Variants in WHRN observed in about 807,000 individuals in gnomAD.
WHRN encodes whirlin, also known as CASK-interacting protein CIP98.
In WHRN, 41 loss-of-function variants were observed where a neutral mutation model predicts 68.3. That is an observed-to-expected ratio of 0.60 (90% CI 0.47 to 0.78). WHRN has a LOEUF of 0.78. Ranked by LOEUF, WHRN falls within the 30% of genes least tolerant of loss-of-function variation. The probability of loss-of-function intolerance (pLI) is 0.00; values close to 1 mark genes in which losing one functional copy is unlikely to be tolerated. For synonymous variants in WHRN, 560 were observed against 561.3 expected (o/e 1.00, Z 0.03); for missense variants, 1,243 against 1,244.7 (o/e 1.00, Z 0.02).
chr9:114,428,292 C>T (rs1837074403), intron 3 of WHRN, among the ~76,000 whole-genome samples: 1 of 152,220 alleles, frequency 6.6e-6, no homozygotes, highest in African/African-American at 2.4e-5. Context: ...TGCCACTGCA[C>T]TCCAGCCTGG....
chr9:114,407,552 CCAA>C (rs1475340723), intron 8 of WHRN, among the ~76,000 whole-genome samples: 3 of 152,214 alleles, frequency 2.0e-5, no homozygotes, highest in African/African-American at 7.2e-5. Context: ...CTGCACAGCT[CCAA>C]CAACCTTCCA....
intron 2 of WHRN, among the ~76,000 whole-genome samples, chr9:114,477,054 G>A (rs796091229): frequency 5.3e-5 from 8 of 152,146 alleles, no homozygotes; most frequent in Admixed American, 1.3e-4. Flanking sequence ...GAGAGGGTAC[G>A]AGCCCACCCA....
intron 7 of WHRN, among the ~76,000 whole-genome samples, chr9:114,421,492 G>A (rs1836280839): frequency 6.6e-6 from 1 of 152,214 alleles, no homozygotes; most frequent in South Asian, 2.1e-4. Context: ...AAAGGCTGGG[G>A]CTCAAACCTA....
At chr9:114,453,867 G>A (rs1839548788) in intron 3 of WHRN, among the ~76,000 whole-genome samples, 1 of 152,066 alleles carries the variant, frequency 6.6e-6, no homozygotes, top group Admixed American at 6.6e-5. Flanking sequence ...TATAAGAAAA[G>A]AAAACCCAGA....
Position 114,407,986 on chromosome 9 carries a change from A to C in WHRN, c.1659T>G (p.Ala553=), listed in dbSNP as rs776775092. The change falls in exon 8 of 12, where the codon GCT becomes GCG. Residue 553 remains alanine (A), a synonymous_variant. Coordinates refer to ENST00000362057, the MANE Select transcript of WHRN (RefSeq NM_015404.4). ...NTLDLEETGE[A]VQGNINALPD... ...GGAGGGCGTTGATATTGCCCTGGAC[A>C]GCCTCGCCAGTTTCCTCCAGGTCCA... The C allele has an allele frequency of 3.1e-6, 5 of 1,604,770 alleles. No homozygotes were observed. Among genetic ancestry groups the C allele is most frequent in the Non-Finnish European group, 4.3e-6 (5 of 1,175,078 alleles).
At chr9:114,464,881 C>T (rs547016573) in intron 3 of WHRN, among the ~76,000 whole-genome samples, 1 of 151,044 alleles carries the variant, frequency 6.6e-6, no homozygotes, top group East Asian at 2.0e-4. Context: ...TCTGTCTGTC[C>T]CTTTGGGCTG....
At chr9:114,496,538 C>A (rs1011221521) in intron 1 of WHRN, among the ~76,000 whole-genome samples, 1 of 152,112 alleles carries the variant, frequency 6.6e-6, no homozygotes, top group Non-Finnish European at 1.5e-5. Context: ...AACCAACCAA[C>A]CAAACAAACA....
chr9:114,478,368 CAT>C (rs1841823684), intron 2 of WHRN, 183 bp downstream of exon 2: 5 of 731,370 alleles, frequency 6.8e-6, no homozygotes, highest in Non-Finnish European at 1.3e-5. Flanking sequence ...TGTATTATAA[CAT>C]ACACTACACA....
intron 2 of WHRN, among the ~76,000 whole-genome samples, chr9:114,467,713 A>G (rs1840843690): frequency 6.6e-6 from 1 of 152,166 alleles, no homozygotes; most frequent in Non-Finnish European, 1.5e-5. Context: ...GGGAAGCTGC[A>G]GGAACATGCA....
chr9:114,502,607 G>A (rs986518296), intron 1 of WHRN, among the ~76,000 whole-genome samples: 4 of 152,126 alleles, frequency 2.6e-5, no homozygotes, highest in Non-Finnish European at 5.9e-5. Context: ...TGACCTTTAT[G>A]GCACAGCTGA....
At chr9:114,439,637 G>C (rs201377696) in intron 3 of WHRN, among the ~76,000 whole-genome samples, 5 of 134,798 alleles carry the variant, frequency 3.7e-5, no homozygotes, top group East Asian at 2.2e-4. Context: ...CACACACATA[G>C]ATATATGTGT....
Position 114,406,632 on chromosome 9 carries a change from G to A in WHRN, c.1959C>T (p.Ser653=), listed in dbSNP as rs376355638. The change falls in exon 9 of 12, where the codon TCC becomes TCT. Residue 653 remains serine, a synonymous_variant. Transcript: ENST00000362057. ...TGGAGCTGGGGTTGGCAGGGGAGAC[G>A]GAGGCATAGATGGGGGAAGAGGGCA... The part of the protein sequence containing the change: ...QDLPSSPIYA[S]VSPANPSSKR... 2.2e-5 allele frequency: 36 copies of A among 1,611,910 alleles called. No homozygotes were observed. The highest frequency in any genetic ancestry group is 2.5e-5 in the Non-Finnish European group (30 of 1,178,534).
In WHRN at chr9:114,504,383, A is replaced by G. The variant is rs746717260; in HGVS notation, c.419T>C (p.Leu140Pro). 1.2e-6 allele frequency: 2 copies of G among 1,606,392 alleles called. No individual in the cohort carries two copies. The highest frequency in any genetic ancestry group is 3.3e-5 in the Admixed American group (2 of 60,006). Residue 140 changes from leucine to proline, a missense_variant, in exon 1 of 12, where the codon CTG becomes CCG. Coordinates refer to ENST00000362057, the MANE Select transcript of WHRN (RefSeq NM_015404.4). ...GGCCTTGGCACGCCGCAAACTCACC[A>G]GGCGCACCTCCCCTGGCCCCGCGCT... ...PDSAGPGEVR[L>P]VSLRRAKAHE... is the part of the protein sequence containing the mutation.
chr9:114,504,855 C>T lies in WHRN; in HGVS notation c.-54G>A. 1 of 1,349,510 alleles carries T rather than the reference C, an allele frequency of 7.4e-7. No individual in the cohort carries two copies. The highest frequency in any genetic ancestry group is 9.4e-7 in the Non-Finnish European group (1 of 1,060,746). The allele number at this position is 1,349,510 out of a possible 1,614,324, so 83.6% of individuals were successfully genotyped here. On this transcript the variant is annotated 5_prime_UTR_variant, in exon 1 of 12. Coordinates refer to ENST00000362057, the MANE Select transcript of WHRN (RefSeq NM_015404.4). Reference sequence around the variant, plus strand: ...AGCGCGCGGGGTGTGGGCGGTGCCGCTGTCCTCGCGGGTACTGGCGCGACA... The same window carrying T: ...AGCGCGCGGGGTGTGGGCGGTGCCGTTGTCCTCGCGGGTACTGGCGCGACA...
chr9:114,436,959 A>T (rs1837914026), intron 3 of WHRN, among the ~76,000 whole-genome samples: 1 of 152,192 alleles, frequency 6.6e-6, no homozygotes, highest in Admixed American at 6.5e-5. Context: ...CTAAAAGTAT[A>T]AAATGCACGA....
intron 2 of WHRN, among the ~76,000 whole-genome samples, chr9:114,472,827 G>A (rs908682208): frequency 2.6e-5 from 4 of 152,214 alleles, no homozygotes; most frequent in African/African-American, 9.7e-5. Context: ...TGTGCTCTGT[G>A]CTTATAAGCC....
chr9:114,404,895 C>T (rs533794272), intron 9 of WHRN, among the ~76,000 whole-genome samples: 137 of 152,028 alleles, frequency 9.0e-4, no homozygotes, highest in African/African-American at 2.9e-3. Flanking sequence ...GGGTTTCAAA[C>T]TCAGGGGCCC....
At chr9:114,472,358 T>C (rs1264796382) in intron 2 of WHRN, among the ~76,000 whole-genome samples, 1 of 152,236 alleles carries the variant, frequency 6.6e-6, no homozygotes, top group African/African-American at 2.4e-5. Flanking sequence ...GTCTTGCTGC[T>C]GCTCCTCAAG....
intron 3 of WHRN, among the ~76,000 whole-genome samples, chr9:114,430,481 G>T (rs1397532369): frequency 2.0e-5 from 3 of 152,142 alleles, no homozygotes; most frequent in Non-Finnish European, 2.9e-5. Flanking sequence ...TGGGACCAGT[G>T]GCTCTTATGG....
Sources: gnomAD v4.1 joint callset for allele counts (sites outside exome capture counted in the v4.1 genomes callset) on GRCh38, gnomAD v4.1.1 for gene constraint, MANE v1.5 for transcripts, NCBI Gene and HGNC (gene_info 2026-07-23, HGNC 2026-07-21) for gene names.